The following SNTG2 variants were observed in gnomAD, a reference collection of about 807,000 sequenced individuals.
SNTG2 encodes gamma-2-syntrophin.
SNTG2 carries 74 observed loss-of-function variants against 70.9 expected under a neutral mutation model. The observed-to-expected ratio is 1.04, with a 90% confidence interval of 0.86 to 1.27. The LOEUF is 1.27. Among genes scored for constraint, SNTG2 ranks in the 50% most tolerant of loss-of-function variants. The pLI, the probability that SNTG2 is intolerant of heterozygous loss-of-function variation, is 0.00. For missense variants in SNTG2, 717 were observed against 690.7 expected, an observed-to-expected ratio of 1.04 and a Z score of -0.43; for synonymous variants, 278 against 273.8, an observed-to-expected ratio of 1.02 and a Z score of -0.15.
chr2:1,248,916 C>G (rs1310544670), intron 12 of SNTG2, among the ~76,000 whole-genome samples: 1 of 152,156 alleles, frequency 6.6e-6, no homozygotes, highest in African/African-American at 2.4e-5. Flanking sequence ...AATTCAATAA[C>G]CATTGAAAAG....
At chr2:1,064,373 AAAGC>A (rs1663014955) in intron 1 of SNTG2, among the ~76,000 whole-genome samples, 1 of 151,860 alleles carries the variant, frequency 6.6e-6, no homozygotes, top group South Asian at 2.1e-4. Flanking sequence ...TTAAATATAA[AAAGC>A]ACATATCCAC....
At chr2:1,222,129 C>CTGCCTATCTCTGTCTCTGTCTCTCTCTG (rs1209807504) in intron 9 of SNTG2, among the ~76,000 whole-genome samples, 1 of 97,850 alleles carries the variant, frequency 1.0e-5, no homozygotes, top group African/African-American at 3.8e-5. Flanking sequence ...CTCTCTGTCT[C>CTGCCTATCTCTGTCTCTGTCTCTCTCTG]TCTCTGTCTC....
Position 1,097,794 on chromosome 2 carries a change from C to T in SNTG2, c.211-402C>T, listed in dbSNP as rs769897839. Among the ~76,000 whole-genome samples, 5 of 151,934 alleles carry T rather than the reference C, an allele frequency of 3.3e-5. No individual in the cohort carries two copies. Among genetic ancestry groups the T allele is most frequent in the Non-Finnish European group, 7.4e-5 (5 of 67,996 alleles). On this transcript the variant is annotated intron_variant, in intron 2 of 16. Coordinates refer to ENST00000308624, the MANE Select transcript of SNTG2 (RefSeq NM_018968.4). The surrounding 1 kb of genome is among the most constrained non-coding windows in gnomAD (Gnocchi z 4.1). ...CAGAGACGTACAGTGAAGCGTGAGC[C>T]GGTCCTGGGGTTGGTGGGTAGAGAG... is the stretch of plus-strand genomic sequence containing the variant.
chr2:1,167,398 G>A (rs183590303), intron 7 of SNTG2, among the ~76,000 whole-genome samples: 2,070 of 145,864 alleles, frequency 0.014, 16 homozygotes, highest in Middle Eastern at 0.063. Context: ...CCTACAGGCC[G>A]CCCACAGACG....
chr2:1,114,823 G>A (rs1027884398), intron 4 of SNTG2, among the ~76,000 whole-genome samples: 9 of 152,210 alleles, frequency 5.9e-5, no homozygotes, highest in African/African-American at 1.9e-4. Flanking sequence ...CCTTTGAGGA[G>A]GATTGTGTGT....
At chr2:1,325,492 G>A (rs1438808398) in intron 16 of SNTG2, among the ~76,000 whole-genome samples, 2 of 152,168 alleles carry the variant, frequency 1.3e-5, no homozygotes, top group South Asian at 2.1e-4. Flanking sequence ...GTTTAATGTT[G>A]TGTTAGCAAT....
intron 1 of SNTG2, among the ~76,000 whole-genome samples, chr2:1,001,222 C>G (rs970921481): frequency 6.6e-6 from 1 of 152,002 alleles, no homozygotes; most frequent in South Asian, 2.1e-4. Flanking sequence ...TGAAGATGTT[C>G]ACTCTCACCT....
chr2:1,211,785 A>G (rs964497836), intron 9 of SNTG2, among the ~76,000 whole-genome samples: 3 of 152,184 alleles, frequency 2.0e-5, no homozygotes, highest in Non-Finnish European at 2.9e-5. Flanking sequence ...CGTGGGAATT[A>G]TGGGAGCTAC....
chr2:1,085,407 C>T (rs1664621860), intron 2 of SNTG2, among the ~76,000 whole-genome samples: 1 of 152,170 alleles, frequency 6.6e-6, no homozygotes, highest in African/African-American at 2.4e-5. Context: ...AAAAATGGGC[C>T]TATGCTCATA....
Position 1,141,313 on chromosome 2 carries a change from C to T in SNTG2, c.411+3504C>T, listed in dbSNP as rs140011734. 4.6e-5 allele frequency among the ~76,000 whole-genome samples: 7 copies of T among 152,346 alleles called. No individual in the cohort carries two copies. The East Asian group carries it at 9.6e-4, about 21-fold the overall frequency. On this transcript the variant is annotated intron_variant, in intron 6 of 16. Coordinates refer to ENST00000308624, the MANE Select transcript of SNTG2 (RefSeq NM_018968.4). ...AGGCCTTTTTCCTCAAGAATGAGTA[C>T]GTTCTGGCTTCGGTGCCGGAACACA...
In SNTG2 at chr2:1,025,895, C is replaced by A. The variant is rs139871426; in HGVS notation, c.73-57623C>A. 1.0e-3 allele frequency among the ~76,000 whole-genome samples: 158 copies of A among 152,316 alleles called. 1 individual carries two copies. Among genetic ancestry groups the A allele is most frequent in the Middle Eastern group, 6.8e-3 (2 of 294 alleles). ...TTCATTCATTCATTCATTCATGAGACCCTGAGACTGGTCAACCGCATTTGA... is the reference window on the plus strand; with the variant it reads ...TTCATTCATTCATTCATTCATGAGAACCTGAGACTGGTCAACCGCATTTGA... On this transcript the variant is annotated intron_variant, in intron 1 of 16. Transcript: ENST00000308624.
intron 4 of SNTG2, among the ~76,000 whole-genome samples, chr2:1,118,672 A>T (rs989290712): frequency 2.6e-5 from 4 of 151,804 alleles, no homozygotes; most frequent in African/African-American, 7.3e-5. Context: ...AGAAAAAAAA[A>T]ATCTGTGAAC....
intron 1 of SNTG2, among the ~76,000 whole-genome samples, chr2:980,808 G>T (rs1661072904): frequency 6.6e-6 from 1 of 152,086 alleles, no homozygotes; most frequent in African/African-American, 2.4e-5. Flanking sequence ...CATTTTCCTT[G>T]AAAGACATTA....
intron 15 of SNTG2, among the ~76,000 whole-genome samples, chr2:1,310,093 CTG>C (rs1002144935): frequency 2.0e-5 from 3 of 152,230 alleles, no homozygotes; most frequent in Non-Finnish European, 4.4e-5. Flanking sequence ...GCTTCTTGCT[CTG>C]TGTTTCAAGT....
At chr2:1,103,898 T>A (rs1350317961) in intron 4 of SNTG2, among the ~76,000 whole-genome samples, 2 of 152,214 alleles carry the variant, frequency 1.3e-5, no homozygotes, top group Non-Finnish European at 2.9e-5. Flanking sequence ...TTTCAGAGCA[T>A]GTACATTATA....
At chr2:1,226,569 C>G (rs541805968) in intron 9 of SNTG2, among the ~76,000 whole-genome samples, 9 of 152,176 alleles carry the variant, frequency 5.9e-5, no homozygotes, top group South Asian at 2.1e-4. Flanking sequence ...GACACGGAAG[C>G]CTGTGATACA....
intron 1 of SNTG2, among the ~76,000 whole-genome samples, chr2:977,576 A>G (rs549073680): frequency 1.3e-5 from 2 of 151,990 alleles, no homozygotes; most frequent in East Asian, 3.9e-4. Context: ...CTTCCCTCCC[A>G]CTTGGGAACC....
chr2:1,077,539 A>G (rs1007062173), intron 1 of SNTG2, among the ~76,000 whole-genome samples: 3 of 152,154 alleles, frequency 2.0e-5, no homozygotes, highest in African/African-American at 7.2e-5. Context: ...GTGAGGCTCC[A>G]TGAACCCCGG....
At chr2:1,165,407 C>A in intron 6 of SNTG2, 141 bp from the exon 7 acceptor site, 1 of 762,554 alleles carries the variant, frequency 1.3e-6, no homozygotes, top group Non-Finnish European at 2.1e-6. Context: ...CCAGCTGAAG[C>A]CCACAAAGTT....
Sources: gnomAD v4.1 joint callset for allele counts (sites outside exome capture counted in the v4.1 genomes callset) on GRCh38, gnomAD v4.1.1 for gene constraint, Gnocchi (gnomAD v3.1) non-coding constraint, MANE v1.5 for transcripts, NCBI Gene and HGNC (gene_info 2026-07-23, HGNC 2026-07-21) for gene names.